The following ARHGEF10 variants were observed in gnomAD, a reference collection of about 807,000 sequenced individuals.
The protein encoded by ARHGEF10 is Rho guanine nucleotide exchange factor (GEF) 10.
A neutral mutation model predicts 147.4 loss-of-function variants in ARHGEF10; 140 were observed. The ratio of observed to expected loss-of-function variants is 0.95; its 90% CI spans 0.83 to 1.09. The LOEUF is 1.09. ARHGEF10 is among the 50% of genes least tolerant of loss of function. The pLI, the probability that ARHGEF10 is intolerant of heterozygous loss-of-function variation, is 0.00. For synonymous variants in ARHGEF10, 902 were observed against 695.8 expected (o/e 1.30, Z -4.67); for missense variants, 2,222 against 1,752.7 (o/e 1.27, Z -4.78).
chr8:1,930,549 C>A (rs1005047858), intron 25 of ARHGEF10, among the ~76,000 whole-genome samples: 3 of 141,094 alleles, frequency 2.1e-5, no homozygotes, highest in Non-Finnish European at 4.6e-5. Context: ...GAATAGAATT[C>A]CAGTCCTCCA....
At position 1,892,142 on chromosome 8, in the gene ARHGEF10, T is replaced by C. The variant is rs184885710; in HGVS notation, c.1183-1427T>C. On this transcript the variant is annotated intron_variant, in intron 11 of 28. Transcript: ENST00000349830. ...GGAATCTGAATTTCAGAAGAAAGAC[T>C]GGCCTGGGTTTGATGATGGGAGGGG... is the stretch of plus-strand genomic sequence containing the variant. Among the ~76,000 whole-genome samples, 1,273 of 152,042 alleles carry C rather than the reference T, an allele frequency of 8.4e-3. 8 individuals carry two copies. Among genetic ancestry groups the C allele is most frequent in the Non-Finnish European group, 0.011 (772 of 67,982 alleles).
At chr8:1,893,736 GTTTAT>G in intron 12 of ARHGEF10, 90 bp downstream of exon 12, 3 of 1,095,648 alleles carry the variant, frequency 2.7e-6, no homozygotes, top group South Asian at 1.3e-5. Flanking sequence ...AAGCATATAT[GTTTAT>G]GAAACATAAC....
chr8:1,888,852 G>A (rs1453158578), intron 11 of ARHGEF10, among the ~76,000 whole-genome samples: 1 of 90,086 alleles, frequency 1.1e-5, no homozygotes, highest in Non-Finnish European at 2.2e-5. Flanking sequence ...GGTGAGGTTT[G>A]TGAGGAGACA....
At position 1,876,723 on chromosome 8, in the gene ARHGEF10, C is replaced by T; in HGVS notation, c.832C>T (p.His278Tyr). Residue 278 changes from histidine to tyrosine, a missense_variant, in exon 8 of 29, where the codon CAC (histidine) becomes TAC (tyrosine). Transcript: ENST00000349830. ...GIPRSFLRSN[H>Y]KKQLSHDLTR... is the part of the protein sequence containing the mutation. ...TCCCAGGTCCTTCCTGCGCAGCAAC[C>T]ACAAAAAGCAAGTACGTGTTCCCTG... 1 of 1,614,098 alleles carries T rather than the reference C, an allele frequency of 6.2e-7. No individual in the cohort carries two copies. Among genetic ancestry groups the T allele is most frequent in the Non-Finnish European group, 8.5e-7 (1 of 1,180,008 alleles).
intron 1 of ARHGEF10, among the ~76,000 whole-genome samples, chr8:1,841,991 G>C (rs1563161986): frequency 1.1e-4 from 8 of 74,322 alleles, no homozygotes; most frequent in Admixed American, 4.1e-4. Flanking sequence ...CGGGAACTGG[G>C]GCCGCGGCGG....
Position 1,898,465 on chromosome 8 carries a change from G to T in ARHGEF10, c.1590G>T (p.Thr530=), listed in dbSNP as rs118048417. The T allele has an allele frequency of 6.8e-4, 1,105 of 1,614,128 alleles. 15 individuals carry two copies. The East Asian group carries it at 0.02, about 30-fold the overall frequency. Residue 530 remains threonine (T), a synonymous_variant, in exon 15 of 29, where the codon ACG becomes ACT. Transcript: ENST00000349830. ...AGGAGGCCAGCCCCGATCGAACCAC[G>T]CTCTACAGCCTGATGATGAAGCCCA... The part of the protein sequence containing the change: ...QEQEASPDRT[T]LYSLMMKPIQ...
Position 1,903,319 on chromosome 8 carries a change from G to T in ARHGEF10, c.1689G>T (p.Arg563Ser), listed in dbSNP as rs1285738616. The T allele has an allele frequency of 2.5e-6, 4 of 1,614,118 alleles. No homozygotes were observed. The highest frequency in any genetic ancestry group is 2.2e-5 in the South Asian group (2 of 91,082). ...LKNTSKGHPD[R>S]LPLQMALTEL... Reference sequence around the variant, plus strand: ...ACACCTCCAAAGGCCACCCCGACAGGCTGCCTCTTCAGATGGCCCTGACAG... The same window carrying T: ...ACACCTCCAAAGGCCACCCCGACAGTCTGCCTCTTCAGATGGCCCTGACAG... The change falls in exon 16 of 29, where the codon AGG (arginine) becomes AGT (serine). Residue 563 changes from arginine (R) to serine (S), a missense_variant. Arg to Ser is a moderately radical substitution (Grantham distance 110). Transcript: ENST00000349830.
chr8:1,913,186 C>T (rs959807367), intron 18 of ARHGEF10, among the ~76,000 whole-genome samples: 5 of 151,982 alleles, frequency 3.3e-5, no homozygotes, highest in African/African-American at 4.8e-5. Flanking sequence ...GCCTTTAGAA[C>T]GGGAGGAGAG....
At position 1,929,534 on chromosome 8, in the gene ARHGEF10, C is replaced by T. The variant is rs1812949472; in HGVS notation, c.3079+91C>T. The T allele has an allele frequency of 7.5e-6, 11 of 1,458,120 alleles. No individual in the cohort carries two copies. The South Asian group carries it at 1.5e-4, about 20-fold the overall frequency. 90.3% of individuals were successfully genotyped at this position (1,458,120 alleles called of 1,614,324 possible). On this transcript the variant is annotated intron_variant, in intron 25 of 28. Coordinates refer to ENST00000349830, the MANE Select transcript of ARHGEF10 (RefSeq NM_014629.4). The stretch of plus-strand genomic sequence containing the variant: ...TTAGCCTCCCCACCTCCCCACCGGC[C>T]TCCTGCCTCCCGCCCCTGTGCCTCC...
At chr8:1,945,841 T>G (rs1046056109) in intron 27 of ARHGEF10, 186 bp downstream of exon 27, 12 of 913,294 alleles carry the variant, frequency 1.3e-5, no homozygotes, top group Non-Finnish European at 2.0e-5. Flanking sequence ...TCAGCCCACT[T>G]TAGCGCTTCC....
chr8:1,877,694 C>A (rs572045703), intron 8 of ARHGEF10, among the ~76,000 whole-genome samples: 92 of 151,654 alleles, frequency 6.1e-4, no homozygotes, highest in Non-Finnish European at 8.5e-4. Flanking sequence ...TCCCAGGTCT[C>A]GGTGGTGCCA....
chr8:1,896,427 C>T lies in ARHGEF10; in HGVS notation c.1535C>T (p.Pro512Leu). 1 of 1,613,720 alleles carries T rather than the reference C, an allele frequency of 6.2e-7. No homozygotes were observed. Among genetic ancestry groups the T allele is most frequent in the Non-Finnish European group, 8.5e-7 (1 of 1,179,934 alleles). Residue 512 changes from proline to leucine, a missense_variant, in exon 14 of 29, where the codon CCC becomes CTC. By Grantham distance (98) the Pro-to-Leu change is moderately conservative (BLOSUM62 -3). Coordinates refer to ENST00000349830, the MANE Select transcript of ARHGEF10 (RefSeq NM_014629.4). ...CTCAAGAAAACATGTGCCACAAAGC[C>T]CGCTTTTCTTGAATTTTTAAAGGTA... ...AVLKKTCATK[P>L]AFLEFLKQEQ...
Position 1,864,336 on chromosome 8 carries a change from G to A in ARHGEF10, c.482-37G>A, listed in dbSNP as rs767726825. 11 of 1,606,944 alleles carry A rather than the reference G, an allele frequency of 6.8e-6. No individual in the cohort carries two copies. The East Asian group carries it at 1.8e-4, about 26-fold the overall frequency. Reference sequence around the variant, plus strand: ...ATCAACTTCATGAGCATTTTTGTCAGGCGTAAAGCAGCATCACATATTTTC... The same window carrying A: ...ATCAACTTCATGAGCATTTTTGTCAAGCGTAAAGCAGCATCACATATTTTC... On this transcript the variant is annotated intron_variant, in intron 4 of 28. Coordinates refer to ENST00000349830, the MANE Select transcript of ARHGEF10 (RefSeq NM_014629.4).
At chr8:1,865,859 C>T (rs541424173) in intron 5 of ARHGEF10, among the ~76,000 whole-genome samples, 1 of 152,222 alleles carries the variant, frequency 6.6e-6, no homozygotes, top group Non-Finnish European at 1.5e-5. Flanking sequence ...CACAGCTCCC[C>T]ACAGGACGCG....
chr8:1,918,464 G>C (rs1305750839), intron 18 of ARHGEF10, among the ~76,000 whole-genome samples: 2 of 33,704 alleles, frequency 5.9e-5, no homozygotes, highest in African/African-American at 1.8e-4. Flanking sequence ...TGATGGCTGT[G>C]TGTGTGTGTG....
At chr8:1,938,811 A>C (rs941261795) in intron 26 of ARHGEF10, among the ~76,000 whole-genome samples, 7 of 152,166 alleles carry the variant, frequency 4.6e-5, no homozygotes, top group African/African-American at 1.7e-4. Flanking sequence ...TCAGCAGAAG[A>C]GGCCAGAGAT....
At chr8:1,935,206 C>T (rs760161097) in intron 26 of ARHGEF10, among the ~76,000 whole-genome samples, 2 of 152,018 alleles carry the variant, frequency 1.3e-5, no homozygotes, top group Non-Finnish European at 2.9e-5. Flanking sequence ...CTCCCACACA[C>T]GCACACCCCC....
At chr8:1,918,420 A>G (rs73671053) in intron 18 of ARHGEF10, among the ~76,000 whole-genome samples, 1,677 of 151,646 alleles carry the variant, frequency 0.011, 43 homozygotes, top group African/African-American at 0.039. Context: ...CACTAGGGAA[A>G]GAGTATTCTC....
chr8:1,928,582 G>C lies in ARHGEF10; in HGVS notation c.2853G>C (p.Pro951=). The change falls in exon 24 of 29, where the codon CCG becomes CCC. Residue 951 remains proline, a synonymous_variant. Coordinates refer to ENST00000349830, the MANE Select transcript of ARHGEF10 (RefSeq NM_014629.4). ...AGCGCAGAGAGCCTGGGGCACCCCCGGACCCCGAGACCCCGGCCGTGAGAG... is the reference window on the plus strand; with the variant it reads ...AGCGCAGAGAGCCTGGGGCACCCCCCGACCCCGAGACCCCGGCCGTGAGAG... ...EEKRREPGAP[P]DPETPAVRAS... is the part of the protein sequence containing the mutation. The C allele has an allele frequency of 6.2e-7, 1 of 1,614,190 alleles. No individual in the cohort carries two copies. Among genetic ancestry groups the C allele is most frequent in the South Asian group, 1.1e-5 (1 of 91,076 alleles).
Sources: gnomAD v4.1 joint callset for allele counts (sites outside exome capture counted in the v4.1 genomes callset) on GRCh38, gnomAD v4.1.1 for gene constraint, MANE v1.5 for transcripts, NCBI Gene and HGNC (gene_info 2026-07-23, HGNC 2026-07-21) for gene names.